PHKA1: variants seen among roughly 807,000 people sequenced by gnomAD.
PHKA1 encodes the protein phosphorylase b kinase regulatory subunit alpha, skeletal muscle isoform.
A neutral mutation model predicts 110.2 loss-of-function variants in PHKA1; 60 were observed. The ratio of observed to expected loss-of-function variants is 0.54; its 90% CI spans 0.44 to 0.68. PHKA1 has a LOEUF of 0.68. PHKA1 is among the 30% of genes least tolerant of loss of function. The pLI, the probability that PHKA1 is intolerant of heterozygous loss-of-function variation, is 0.00. For synonymous variants in PHKA1, 316 were observed against 333.6 expected, an observed-to-expected ratio of 0.95 and a Z score of 0.58; for missense variants, 801 against 942.5, an observed-to-expected ratio of 0.85 and a Z score of 1.97.
At chrX:72,602,294 C>G in intron 26 of PHKA1, 21 bp from the exon 27 acceptor site, 1 of 970,732 alleles carries the variant, frequency 1.0e-6, no homozygotes, top group Non-Finnish European at 1.5e-6. Context: ...TGAGAGATTA[C>G]AGAGAAAGAG....
At chrX:72,623,343 T>A in intron 17 of PHKA1, 68 bp from the exon 18 acceptor site, 1 of 865,212 alleles carries the variant, frequency 1.2e-6, no homozygotes, top group Non-Finnish European at 1.7e-6. Flanking sequence ...ACAATCTTAG[T>A]GATAAAAGGA....
chrX:72,620,327 A>G (rs954839368), intron 19 of PHKA1, among the ~76,000 whole-genome samples: 15 of 112,119 alleles, frequency 1.3e-4, no homozygotes, highest in Non-Finnish European at 1.9e-4. Flanking sequence ...AGAATGGCAA[A>G]GTTGTAAAGA....
At chrX:72,622,524 T>G in intron 18 of PHKA1, 1 of 754,079 alleles carries the variant, frequency 1.3e-6, no homozygotes, top group Non-Finnish European at 1.6e-6. Flanking sequence ...CTCAGTCACT[T>G]TCAATGCATG....
Position 72,714,209 on chromosome X carries a change from G to A in PHKA1, c.-329C>T, listed in dbSNP as rs2054429171. On this transcript the variant is annotated 5_prime_UTR_variant, in exon 1 of 32. Coordinates refer to ENST00000373542, the MANE Select transcript of PHKA1 (RefSeq NM_002637.4). ...ACTCCTGCATCCTCCCCTCAACCCCGGGAGACCGCCGCGGCCCACAGCCTC... is the reference window on the plus strand; with the variant it reads ...ACTCCTGCATCCTCCCCTCAACCCCAGGAGACCGCCGCGGCCCACAGCCTC... 8.8e-6 allele frequency: 2 copies of A among 226,124 alleles called. No homozygotes were observed. The highest frequency in any genetic ancestry group is 1.6e-5 in the Non-Finnish European group (2 of 125,712). 18.6% of individuals were successfully genotyped at this position (226,124 alleles called of 1,213,427 possible).
Position 72,612,553 on chromosome X carries a change from C to G in PHKA1, c.2370-1369G>C, listed in dbSNP as rs2052827705. ...TGCTGTATGCTATGAGGGTACTTGCCATAGCATTTTTGTGATTGTGAATTC... is the reference window on the plus strand; with the variant it reads ...TGCTGTATGCTATGAGGGTACTTGCGATAGCATTTTTGTGATTGTGAATTC... On this transcript the variant is annotated intron_variant, in intron 21 of 31. Coordinates refer to ENST00000373542, the MANE Select transcript of PHKA1 (RefSeq NM_002637.4). 8.0e-5 allele frequency among the ~76,000 whole-genome samples: 9 copies of G among 111,928 alleles called. No homozygotes were observed. The South Asian group carries it at 3.4e-3, about 42-fold the overall frequency.
At chrX:72,683,832 T>C (rs1556317900) in intron 5 of PHKA1, among the ~76,000 whole-genome samples, 1 of 112,643 alleles carries the variant, frequency 8.9e-6, no homozygotes, top group East Asian at 2.8e-4. Context: ...TAGTATTCTA[T>C]TTTATGGATA....
chrX:72,653,070 C>T (rs1403728564), intron 11 of PHKA1, among the ~76,000 whole-genome samples: 2 of 111,385 alleles, frequency 1.8e-5, no homozygotes, highest in African/African-American at 3.3e-5. Context: ...GAAAACAAGA[C>T]ATATTCATTT....
At chrX:72,685,317 C>T (rs1206778854) in intron 4 of PHKA1, among the ~76,000 whole-genome samples, 1 of 111,234 alleles carries the variant, frequency 9.0e-6, no homozygotes, top group Non-Finnish European at 1.9e-5. Context: ...CTTAAAAACT[C>T]CTCTCTTTAT....
chrX:72,674,131 T>G (rs1556310548), intron 6 of PHKA1, among the ~76,000 whole-genome samples: 1 of 110,151 alleles, frequency 9.1e-6, no homozygotes, highest in Non-Finnish European at 1.9e-5. Flanking sequence ...ACAAAGGACA[T>G]GAACTCATCA....
rs375088893 is a variant in PHKA1, at chrX:72,595,672, C to G, written c.3073-2398G>C. On this transcript the variant is annotated intron_variant, in intron 28 of 31. Transcript: ENST00000373542. ...TTCACCAAAGATGATATACAAATAG[C>G]CACCACACACATGTAAAGATGCTCA... Among the ~76,000 whole-genome samples the G allele has an allele frequency of 3.6e-5, 4 of 111,516 alleles. No individual in the cohort carries two copies. In the East Asian group the frequency reaches 8.4e-4, roughly 24 times the overall value.
intron 21 of PHKA1, among the ~76,000 whole-genome samples, chrX:72,618,398 CA>C (rs1223976125): frequency 1.7e-4 from 19 of 111,621 alleles, no homozygotes; most frequent in African/African-American, 5.9e-4. Context: ...TACATTTGAC[CA>C]AATAATGGAG....
intron 28 of PHKA1, chrX:72,600,001 C>G (rs2052638165): frequency 3.0e-6 from 1 of 337,996 alleles, no homozygotes; most frequent in African/African-American, 2.7e-5. Flanking sequence ...CATTAAAAAG[C>G]TGATGAAATA....
intron 8 of PHKA1, among the ~76,000 whole-genome samples, chrX:72,665,505 G>A (rs1743327318): frequency 9.0e-6 from 1 of 111,466 alleles, no homozygotes; most frequent in Admixed American, 9.5e-5. Flanking sequence ...TTGAAGGGGA[G>A]GGAATTCTTC....
In PHKA1 at chrX:72,657,645, G is replaced by A; in HGVS notation, c.865-4C>T. On this transcript the variant is annotated splice_polypyrimidine_tract_variant and splice_region_variant and intron_variant, in intron 8 of 31. Coordinates refer to ENST00000373542, the MANE Select transcript of PHKA1 (RefSeq NM_002637.4). ...AGCGACAGCAACCATAACGACCCTGGGAATACAAAGAAAAAAGGTCAGCAG... is the reference window on the plus strand; with the variant it reads ...AGCGACAGCAACCATAACGACCCTGAGAATACAAAGAAAAAAGGTCAGCAG... The A allele has an allele frequency of 8.3e-7, 1 of 1,202,893 alleles. No homozygotes were observed. The highest frequency in any genetic ancestry group is 1.7e-5 in the African/African-American group (1 of 57,478).
At chrX:72,613,847 T>A (rs2052850446) in intron 21 of PHKA1, among the ~76,000 whole-genome samples, 1 of 111,906 alleles carries the variant, frequency 8.9e-6, no homozygotes, top group East Asian at 2.8e-4. Context: ...TAATGTATAA[T>A]CTGAATTTAA....
intron 3 of PHKA1, among the ~76,000 whole-genome samples, chrX:72,703,097 C>A (rs1176266806): frequency 2.7e-5 from 3 of 111,335 alleles, no homozygotes; most frequent in African/African-American, 9.8e-5. Flanking sequence ...CCCCAATCAC[C>A]CTGGGCACAT....
intron 29 of PHKA1, among the ~76,000 whole-genome samples, chrX:72,587,462 C>T (rs1186760983): frequency 1.8e-5 from 2 of 111,647 alleles, no homozygotes; most frequent in Non-Finnish European, 3.8e-5. Flanking sequence ...ACAACCGGTA[C>T]CAGCCACTGC....
At chrX:72,622,447 A>G (rs1266301856) in intron 18 of PHKA1, 2 of 752,335 alleles carry the variant, frequency 2.7e-6, no homozygotes, top group African/African-American at 4.6e-5. Context: ...CCTTCTCTGT[A>G]TGAAATTCAA....
chrX:72,634,405 G>A (rs782619932), intron 16 of PHKA1, among the ~76,000 whole-genome samples: 1 of 110,884 alleles, frequency 9.0e-6, no homozygotes, highest in Non-Finnish European at 1.9e-5. Context: ...TTAATGAAAA[G>A]GAATTCTATA....
Sources: allele counts gnomAD v4.1 joint callset (sites outside exome capture counted in the v4.1 genomes callset), GRCh38; gene constraint gnomAD v4.1.1; transcripts MANE v1.5; gene names NCBI Gene and HGNC (gene_info 2026-07-23, HGNC 2026-07-21).